The following MYH1 variants were observed in gnomAD, a reference collection of about 807,000 sequenced individuals.
MYH1 encodes myosin heavy chain 1.
In MYH1, 214 loss-of-function variants were observed where a neutral mutation model predicts 225.6. The observed-to-expected ratio is 0.95, with a 90% CI of 0.85 to 1.06. The LOEUF (loss-of-function observed/expected upper bound fraction) is 1.06. MYH1 is among the 50% of genes least tolerant of loss of function. The pLI, the probability that MYH1 is intolerant of heterozygous loss-of-function variation, is 0.00. For synonymous variants in MYH1, 774 were observed against 842.3 expected (o/e 0.92, Z 1.40); for missense variants, 2,098 against 2,344.2 (o/e 0.89, Z 2.17).
chr17:10,497,116 C>T lies in MYH1; in HGVS notation c.4609G>A (p.Val1537Ile), dbSNP rs2073004115. The T allele has an allele frequency of 6.2e-7, 1 of 1,614,116 alleles. No homozygotes were observed. The highest frequency in any genetic ancestry group is 1.3e-5 in the African/African-American group (1 of 75,054). ...TGAAGTTCAGACTTTTCTTGCTCAA[C>T]TTGCTTCTTTATTTTTTCCAGTTCA... is the stretch of plus-strand genomic sequence containing the variant. ...IHELEKIKKQ[V>I]EQEKSELQAA... The change falls in exon 33 of 40, where the codon GTT becomes ATT. Residue 1537 changes from valine to isoleucine, a missense_variant. By Grantham distance (29) the Val-to-Ile change is conservative. Transcript: ENST00000226207.
chr17:10,509,985 C>A (rs2073155749), intron 14 of MYH1, among the ~76,000 whole-genome samples: 1 of 152,002 alleles, frequency 6.6e-6, no homozygotes, highest in Non-Finnish European at 1.5e-5. Context: ...GATGAGAACA[C>A]ATGGACACAT....
chr17:10,496,593 T>C (rs1256396966), intron 33 of MYH1, 44 bp from the exon 34 acceptor site: 1 of 1,612,542 alleles, frequency 6.2e-7, no homozygotes, highest in Non-Finnish European at 8.5e-7. Flanking sequence ...AATGGAAGTG[T>C]GTAGTATTCT....
chr17:10,505,487 A>G lies in MYH1; in HGVS notation c.2199T>C (p.Ala733=). The change falls in exon 20 of 40, where the codon GCT becomes GCC. Residue 733 remains alanine, a synonymous_variant. Transcript: ENST00000226207. ...KQRYKVLNAS[A]IPEGQFIDSK... Reference sequence around the variant, plus strand: ...TATCGATGAATTGTCCTTCAGGGATAGCACTTGCATTTAACACCTTGTATC... The same window carrying G: ...TATCGATGAATTGTCCTTCAGGGATGGCACTTGCATTTAACACCTTGTATC... 1 of 1,614,230 alleles carries G rather than the reference A, an allele frequency of 6.2e-7. No individual in the cohort carries two copies. Among genetic ancestry groups the G allele is most frequent in the Non-Finnish European group, 8.5e-7 (1 of 1,180,036 alleles).
Position 10,508,224 on chromosome 17 carries a change from G to C in MYH1, c.1897+139C>G, listed in dbSNP as rs557028763. Reference sequence around the variant, plus strand: ...AGTAGAGACGGGGTTTTGCTATGTTGACCGGGCTGGTCTTGAACTCCTGAC... The same window carrying C: ...AGTAGAGACGGGGTTTTGCTATGTTCACCGGGCTGGTCTTGAACTCCTGAC... On this transcript the variant is annotated intron_variant, in intron 16 of 39. Transcript: ENST00000226207. 403 of 998,474 alleles carry C rather than the reference G, an allele frequency of 4.0e-4. 1 individual carries two copies. In the African/African-American group the frequency reaches 6.0e-3, roughly 15 times the overall value. The allele number at this position is 998,474 out of a possible 1,614,324, so 61.9% of individuals were successfully genotyped here. A position where few individuals can be genotyped will look rare whatever the true frequency, so the allele number is the denominator to read the frequency against.
At chr17:10,509,097 T>C (rs2073146780) in intron 15 of MYH1, among the ~76,000 whole-genome samples, 2 of 152,222 alleles carry the variant, frequency 1.3e-5, no homozygotes, top group African/African-American at 4.8e-5. Context: ...GTATTCTTGG[T>C]GGGTCTTTCG....
rs2142252964 is a variant in MYH1, at chr17:10,494,635, C to T, written c.5505G>A (p.Lys1835=). 3 of 1,614,096 alleles carry T rather than the reference C, an allele frequency of 1.9e-6. No homozygotes were observed. In the South Asian group the frequency reaches 3.3e-5, roughly 18 times the overall value. ...ELEGEVESEQ[K]RNVEAVKGLR... ...GACCCTTGACAGCTTCAACATTGCGCTTCTGTTCACTTTCAACTTCACCTT... is the reference window on the plus strand; with the variant it reads ...GACCCTTGACAGCTTCAACATTGCGTTTCTGTTCACTTTCAACTTCACCTT... Residue 1835 remains lysine, a synonymous_variant, in exon 38 of 40, where the codon AAG becomes AAA. Transcript: ENST00000226207.
chr17:10,505,743 T>C, intron 19 of MYH1, 69 bp downstream of exon 19: 1 of 1,586,670 alleles, frequency 6.3e-7, no homozygotes, highest in Non-Finnish European at 8.6e-7. Context: ...TATAAAGGAT[T>C]CTTTCATTGA....
rs1483209334 is a variant in MYH1 at position 10,508,514 on chromosome 17, C to T, written c.1746G>A (p.Leu582=). 8.7e-6 allele frequency: 14 copies of T among 1,614,120 alleles called. No individual in the cohort carries two copies. The highest frequency in any genetic ancestry group is 1.2e-5 in the Non-Finnish European group (14 of 1,180,030). Residue 582 remains leucine, a synonymous_variant, in exon 16 of 40, where the codon TTG becomes TTA. Coordinates refer to ENST00000226207, the MANE Select transcript of MYH1 (RefSeq NM_005963.4). ...AGTCCACGGTGCCAGCATAGTGAAT[C>T]AAAGAGAAGTGGGCCTCAGGCTTGC... The part of the protein sequence containing the change: ...AKGKPEAHFS[L]IHYAGTVDYN...
chr17:10,507,840 A>C (rs775409790), intron 17 of MYH1, 46 bp downstream of exon 17: 7 of 1,532,864 alleles, frequency 4.6e-6, no homozygotes, highest in African/African-American at 4.1e-5. Context: ...CATAGAGTAC[A>C]TTTAATATCC....
At chr17:10,503,413 T>TA (rs1299796176) in intron 22 of MYH1, among the ~76,000 whole-genome samples, 165 bp from the exon 23 acceptor site, 2 of 152,144 alleles carry the variant, frequency 1.3e-5, no homozygotes, top group Non-Finnish European at 2.9e-5. Context: ...AGTCCGGTAA[T>TA]AAAAAAAGGA....
rs2073020593 is a variant in MYH1, at chr17:10,498,673, T to C, written c.4134A>G (p.Lys1378=). The C allele has an allele frequency of 1.9e-6, 3 of 1,614,016 alleles. No homozygotes were observed. The highest frequency in any genetic ancestry group is 2.5e-6 in the Non-Finnish European group (3 of 1,179,888). Residue 1378 remains lysine (K), a synonymous_variant, in exon 30 of 40, where the codon AAA becomes AAG. Transcript: ENST00000226207. Reference sequence around the variant, plus strand: ...TGCGCTGGATGGCATCTGTCTCATATTTGGTCCTCCACTGGGCAACCTCAC... The same window carrying C: ...TGCGCTGGATGGCATCTGTCTCATACTTGGTCCTCCACTGGGCAACCTCAC... ...ANSEVAQWRT[K]YETDAIQRTE...
chr17:10,498,730 G>T lies in MYH1; in HGVS notation c.4077C>A (p.Ala1359=). ...CCTTGGACATTGCTCTCTGTAGCTC[G>T]GCCTTGGCTTCCTGCTCCTCCTCAT... ...EQYEEEQEAK[A]ELQRAMSKAN... Residue 1359 remains alanine (A), a synonymous_variant, in exon 30 of 40, where the codon GCC becomes GCA. Coordinates refer to ENST00000226207, the MANE Select transcript of MYH1 (RefSeq NM_005963.4). 6.2e-7 allele frequency: 1 copy of T among 1,614,088 alleles called. No individual in the cohort carries two copies. The highest frequency in any genetic ancestry group is 8.5e-7 in the Non-Finnish European group (1 of 1,179,986).
At chr17:10,512,385 C>T in intron 12 of MYH1, 23 bp downstream of exon 12, 2 of 1,614,032 alleles carry the variant, frequency 1.2e-6, no homozygotes, top group Non-Finnish European at 1.7e-6. Context: ...CTCATTAAAC[C>T]CAGATGGAGA....
intron 15 of MYH1, among the ~76,000 whole-genome samples, chr17:10,508,901 A>C (rs571681008): frequency 1.3e-5 from 2 of 152,210 alleles, no homozygotes; most frequent in Non-Finnish European, 2.9e-5. Context: ...AAGACAGATG[A>C]AGGCTGTGCT....
Position 10,501,398 on chromosome 17 carries a change from G to T in MYH1, c.3450C>A (p.Ile1150=), listed in dbSNP as rs775525787. The change falls in exon 27 of 40, where the codon ATC becomes ATA. Residue 1150 remains isoleucine, a synonymous_variant. Coordinates refer to ENST00000226207, the MANE Select transcript of MYH1 (RefSeq NM_005963.4). ...CACCGGCTTCTTCCAGCCTCTCGCTGATCTCCTCCAGCTCCCGGGAGAGAT... is the reference window on the plus strand; with the variant it reads ...CACCGGCTTCTTCCAGCCTCTCGCTTATCTCCTCCAGCTCCCGGGAGAGAT... ...RSDLSRELEE[I]SERLEEAGGA... is the part of the protein sequence containing the mutation. The T allele has an allele frequency of 5.6e-6, 9 of 1,614,186 alleles. No homozygotes were observed. Among genetic ancestry groups the T allele is most frequent in the Non-Finnish European group, 1.7e-6 (2 of 1,180,040 alleles).
intron 15 of MYH1, among the ~76,000 whole-genome samples, chr17:10,509,252 T>G (rs1367477365): frequency 6.6e-6 from 1 of 152,174 alleles, no homozygotes; most frequent in African/African-American, 2.4e-5. Flanking sequence ...AAGATGACTT[T>G]AAATGTAAGA....
At position 10,506,112 on chromosome 17, in the gene MYH1, G is replaced by A. The variant is rs750098385; in HGVS notation, c.1969-13C>T. ...TATTCAAATTCTCCTGTGGAACCATGCGAGTTTATACTTTAAAAAATGTAC... is the reference window on the plus strand; with the variant it reads ...TATTCAAATTCTCCTGTGGAACCATACGAGTTTATACTTTAAAAAATGTAC... On this transcript the variant is annotated splice_polypyrimidine_tract_variant and intron_variant, in intron 17 of 39. Coordinates refer to ENST00000226207, the MANE Select transcript of MYH1 (RefSeq NM_005963.4). The A allele has an allele frequency of 6.2e-7, 1 of 1,614,036 alleles. No individual in the cohort carries two copies. The highest frequency in any genetic ancestry group is 8.5e-7 in the Non-Finnish European group (1 of 1,179,934).
chr17:10,516,781 T>C, intron 2 of MYH1, 99 bp from the exon 3 acceptor site: 2 of 1,004,000 alleles, frequency 2.0e-6, no homozygotes, highest in Non-Finnish European at 1.4e-6. Context: ...ATTGAGTGCT[T>C]AGCATTGCAT....
In MYH1 at chr17:10,512,154, CA is replaced by C. The variant is rs2073176076; in HGVS notation, c.1185del (p.Ala396GlnfsTer187). On this transcript the variant is annotated frameshift_variant, in exon 13 of 40. Transcript: ENST00000226207. LOFTEE classifies it high-confidence loss of function. The part of the protein sequence containing the change: ...DKAAYLQNLN[S>X]ADLLKALCYP... Reference sequence around the variant, plus strand: ...TAGCAGAGGGCTTTGAGCAGATCTGCAGAGTTCAGATTTTGGAGATAGGCTG... The same window carrying C: ...TAGCAGAGGGCTTTGAGCAGATCTGCGAGTTCAGATTTTGGAGATAGGCTG... 1.2e-6 allele frequency: 2 copies of C among 1,614,022 alleles called. No individual in the cohort carries two copies. Among genetic ancestry groups the C allele is most frequent in the Non-Finnish European group, 1.7e-6 (2 of 1,180,014 alleles).
Sources: allele counts gnomAD v4.1 joint callset (sites outside exome capture counted in the v4.1 genomes callset), GRCh38; gene constraint gnomAD v4.1.1; transcripts MANE v1.5; gene names NCBI Gene and HGNC (gene_info 2026-07-23, HGNC 2026-07-21).